The following MPP7 variants were observed in gnomAD, a reference collection of about 807,000 sequenced individuals.
The protein encoded by MPP7 is MAGUK p55 subfamily member 7.
In MPP7, 60 loss-of-function variants were observed where a neutral mutation model predicts 76.5. The ratio of observed to expected loss-of-function variants is 0.78; its 90% CI spans 0.64 to 0.97. MPP7 has a LOEUF of 0.97. Among genes scored for constraint, MPP7 ranks in the 50% least tolerant of loss-of-function variants. MPP7 has a pLI of 0.00. For missense variants in MPP7, 641 were observed against 694.0 expected, an observed-to-expected ratio of 0.92 and a Z score of 0.86; for synonymous variants, 237 against 244.5, an observed-to-expected ratio of 0.97 and a Z score of 0.29.
intron 12 of MPP7, among the ~76,000 whole-genome samples, chr10:28,071,976 C>T (rs1189311855): frequency 6.6e-6 from 1 of 152,046 alleles, no homozygotes; most frequent in African/African-American, 2.4e-5. Flanking sequence ...TGAGCTTACC[C>T]AAGAGTAGTA....
chr10:28,218,266 T>C (rs2134050747), intron 2 of MPP7, among the ~76,000 whole-genome samples: 1 of 151,994 alleles, frequency 6.6e-6, no homozygotes, highest in East Asian at 1.9e-4. Context: ...AGAGAGGTGG[T>C]TGGGGGAGAA....
intron 1 of MPP7, among the ~76,000 whole-genome samples, chr10:28,256,488 AACTG>A (rs1398718657): frequency 2.0e-5 from 3 of 152,192 alleles, no homozygotes; most frequent in Non-Finnish European, 2.9e-5. Context: ...TGTGCAAAAA[AACTG>A]ACTAAGCATC....
intron 2 of MPP7, among the ~76,000 whole-genome samples, chr10:28,217,486 C>T (rs555950589): frequency 6.7e-6 from 1 of 148,346 alleles, no homozygotes; most frequent in South Asian, 2.1e-4. Context: ...GAGATCGCAC[C>T]ACTGCACTCC....
chr10:28,185,788 T>C (rs1197631591), intron 3 of MPP7, among the ~76,000 whole-genome samples: 1 of 152,190 alleles, frequency 6.6e-6, no homozygotes, highest in Non-Finnish European at 1.5e-5. Context: ...AGAAATATAA[T>C]TAAATGTGGT....
intron 15 of MPP7, 74 bp downstream of exon 15, chr10:28,058,421 T>C (rs1851646025): frequency 1.4e-6 from 1 of 709,264 alleles, no homozygotes; most frequent in Non-Finnish European, 2.2e-6. Flanking sequence ...TATTATTTCA[T>C]ACTGAAATGC....
intron 12 of MPP7, among the ~76,000 whole-genome samples, chr10:28,080,841 A>G (rs893142696): frequency 5.3e-5 from 8 of 152,240 alleles, no homozygotes; most frequent in African/African-American, 1.9e-4. Context: ...ACAGTTATCT[A>G]TATAAAATCC....
At chr10:28,142,280 T>C (rs1415700548) in intron 5 of MPP7, among the ~76,000 whole-genome samples, 6 of 152,210 alleles carry the variant, frequency 3.9e-5, no homozygotes, top group African/African-American at 1.4e-4. Flanking sequence ...TATATTCTTA[T>C]GTCACTCACA....
intron 2 of MPP7, among the ~76,000 whole-genome samples, chr10:28,232,206 T>C (rs1012704484): frequency 1.3e-5 from 2 of 151,874 alleles, no homozygotes; most frequent in Non-Finnish European, 2.9e-5. Context: ...CTACAAAAAA[T>C]AAAAAATTAG....
At chr10:28,242,663 A>G (rs1839308143) in intron 1 of MPP7, among the ~76,000 whole-genome samples, 1 of 152,218 alleles carries the variant, frequency 6.6e-6, no homozygotes, top group African/African-American at 2.4e-5. Flanking sequence ...AAGTACTGAG[A>G]TGTTATTTGT....
intron 1 of MPP7, among the ~76,000 whole-genome samples, chr10:28,288,182 A>G (rs1041087490): frequency 6.6e-5 from 10 of 152,196 alleles, no homozygotes; most frequent in Non-Finnish European, 1.3e-4. Context: ...TATCTTTGTA[A>G]AGGTATTTTT....
chr10:28,293,223 T>C (rs192310236), intron 1 of MPP7, among the ~76,000 whole-genome samples: 53 of 150,938 alleles, frequency 3.5e-4, no homozygotes, highest in African/African-American at 1.2e-3. Flanking sequence ...GAAACAGATA[T>C]GAAAAGCTAA....
At chr10:28,161,983 A>G (rs1189909325) in intron 3 of MPP7, among the ~76,000 whole-genome samples, 4 of 152,228 alleles carry the variant, frequency 2.6e-5, no homozygotes, top group Non-Finnish European at 5.9e-5. Context: ...TTACACACCC[A>G]GAAAATCCAA....
In MPP7 at chr10:28,109,848, C is replaced by CAAAAAAAA. The variant is rs869206744; in HGVS notation, c.952+9795_952+9802dup. On this transcript the variant is annotated intron_variant, in intron 11 of 16. Transcript: ENST00000683449. The stretch of plus-strand genomic sequence containing the variant: ...ACAGTTAGAAGGCCAGCCGCAGACG[C>CAAAAAAAA]AAAAAAAAAAAAAAAAAAAAAAAAA... 8.1e-3 allele frequency among the ~76,000 whole-genome samples: 155 copies of CAAAAAAAA among 19,202 alleles called. 23 individuals are homozygous for CAAAAAAAA. The highest frequency in any genetic ancestry group is 0.021 in the African/African-American group (86 of 4,034). The allele number at this position is 19,202 out of a possible 152,430, so 12.6% of individuals were successfully genotyped here.
chr10:28,268,577 CAA>C (rs1289458538), intron 1 of MPP7, among the ~76,000 whole-genome samples: 2 of 151,962 alleles, frequency 1.3e-5, no homozygotes, highest in Admixed American at 6.6e-5. Flanking sequence ...ACTAAAAATA[CAA>C]AAGTTACCCG....
chr10:28,194,261 G>T (rs904936740), intron 3 of MPP7, among the ~76,000 whole-genome samples: 1 of 152,176 alleles, frequency 6.6e-6, no homozygotes, highest in Non-Finnish European at 1.5e-5. Context: ...TGATCCACCC[G>T]CCTCGGCCTC....
intron 5 of MPP7, among the ~76,000 whole-genome samples, chr10:28,145,392 C>T (rs1835671501): frequency 6.6e-6 from 1 of 152,152 alleles, no homozygotes; most frequent in Non-Finnish European, 1.5e-5. Flanking sequence ...CATATTTTAA[C>T]TGTCAATTCA....
At chr10:28,216,123 A>C (rs1028156511) in intron 2 of MPP7, among the ~76,000 whole-genome samples, 2 of 145,222 alleles carry the variant, frequency 1.4e-5, no homozygotes, top group African/African-American at 5.3e-5. Context: ...CAGTAAACCC[A>C]ACACCCAACA....
In MPP7 at chr10:28,120,470, C is replaced by T. The variant is rs1055963843; in HGVS notation, c.691-80G>A. 3.4e-6 allele frequency: 5 copies of T among 1,482,630 alleles called. No individual in the cohort carries two copies. In the African/African-American group the frequency reaches 5.6e-5, roughly 17 times the overall value. The allele number at this position is 1,482,630 out of a possible 1,614,324, so 91.8% of individuals were successfully genotyped here. A position where few individuals can be genotyped will look rare whatever the true frequency, so the allele number is the denominator to read the frequency against. On this transcript the variant is annotated intron_variant, in intron 9 of 16. Coordinates refer to ENST00000683449, the MANE Select transcript of MPP7 (RefSeq NM_001318170.2). ...GCCTATATTCTCCTAACTCCGACTC[C>T]AAACATAGTAATTTTAAAACTGGAA...
At chr10:28,286,959 C>T (rs1002315955) in intron 1 of MPP7, among the ~76,000 whole-genome samples, 24 of 152,026 alleles carry the variant, frequency 1.6e-4, no homozygotes, top group African/African-American at 4.6e-4. Context: ...AGGAGCTGTG[C>T]GGCATACTGA....
Sources: gnomAD v4.1 joint callset for allele counts (sites outside exome capture counted in the v4.1 genomes callset) on GRCh38, gnomAD v4.1.1 for gene constraint, MANE v1.5 for transcripts, NCBI Gene and HGNC (gene_info 2026-07-23, HGNC 2026-07-21) for gene names.